The following GSTA4 variants were observed in gnomAD, a reference collection of about 807,000 sequenced individuals.
GSTA4 encodes glutathione S-transferase alpha 4.
Under a neutral mutation model 24.4 loss-of-function variants are expected in GSTA4, and 15 were observed. The observed-to-expected ratio is 0.61, with a 90% CI of 0.41 to 0.95. GSTA4 has a LOEUF of 0.95. GSTA4 is among the 40% of genes least tolerant of loss of function. The probability of loss-of-function intolerance (pLI) is 0.00; values close to 1 mark genes in which losing one functional copy is unlikely to be tolerated. For synonymous variants in GSTA4, 92 were observed against 94.2 expected (o/e 0.98, Z 0.13); for missense variants, 244 against 262.1 (o/e 0.93, Z 0.48).
intron 4 of GSTA4, 78 bp from the exon 5 acceptor site, chr6:52,984,683 C>CAT: frequency 2.5e-6 from 2 of 789,070 alleles, no homozygotes; most frequent in Non-Finnish European, 3.9e-6. Flanking sequence ...ATTCAGAGTG[C>CAT]TTTTTTTTTT....
intron 1 of GSTA4, among the ~76,000 whole-genome samples, chr6:52,994,666 AAGCTCTTCAAGT>A (rs1487495533): frequency 6.6e-6 from 1 of 152,164 alleles, no homozygotes; most frequent in Non-Finnish European, 1.5e-5. Flanking sequence ...CAGCCACTGG[AAGCTCTTCAAGT>A]ATTCATGCTT....
intron 6 of GSTA4, 137 bp downstream of exon 6, chr6:52,982,437 T>C (rs1453832185): frequency 3.5e-6 from 2 of 577,938 alleles, no homozygotes; most frequent in Admixed American, 7.5e-5. Flanking sequence ...CTTACTTTCA[T>C]TTCATTTGCC....
chr6:52,993,776 C>T (rs1185270573), intron 2 of GSTA4, among the ~76,000 whole-genome samples: 1 of 152,156 alleles, frequency 6.6e-6, no homozygotes, highest in Non-Finnish European at 1.5e-5. Flanking sequence ...GACACACACA[C>T]ATATGTAAGC....
intron 4 of GSTA4, 94 bp from the exon 5 acceptor site, chr6:52,984,699 T>C: frequency 1.0e-6 from 1 of 995,036 alleles, no homozygotes; most frequent in Non-Finnish European, 1.5e-6. Context: ...TTTTTTTTTT[T>C]AAAGATGCTG....
chr6:52,984,475 C>A lies in GSTA4; in HGVS notation c.403G>T (p.Val135Leu). The change falls in exon 5 of 7, where the codon GTG becomes TTG. Residue 135 changes from valine to leucine, a missense_variant. By Grantham distance (32) the Val-to-Leu change is conservative (BLOSUM62 1). Coordinates refer to ENST00000370963, the MANE Select transcript of GSTA4 (RefSeq NM_001512.4). Reference protein sequence around the residue: ...AQKAIIRYFPVFEKILRGHGQ... With the variant: ...AQKAIIRYFPLFEKILRGHGQ... The stretch of plus-strand genomic sequence containing the variant: ...TCTCTGCCACCTACCTTTTCAAACA[C>A]AGGAAAGTATCTAATTATAGCCTTC... 1 of 1,612,146 alleles carries A rather than the reference C, an allele frequency of 6.2e-7. No individual in the cohort carries two copies. Among genetic ancestry groups the A allele is most frequent in the Non-Finnish European group, 8.5e-7 (1 of 1,179,542 alleles).
At chr6:52,992,073 T>C (rs976936099) in intron 2 of GSTA4, among the ~76,000 whole-genome samples, 1 of 151,992 alleles carries the variant, frequency 6.6e-6, no homozygotes, top group African/African-American at 2.4e-5. Flanking sequence ...CATTTTTCTA[T>C]TGAAGAAATT....
chr6:52,988,323 T>C (rs995657703), intron 2 of GSTA4, among the ~76,000 whole-genome samples: 3 of 151,864 alleles, frequency 2.0e-5, no homozygotes, highest in African/African-American at 7.3e-5. Context: ...AGCTCTTTTT[T>C]ACAGAAGACT....
intron 3 of GSTA4, 140 bp downstream of exon 3, chr6:52,987,217 T>C: frequency 1.6e-6 from 1 of 637,026 alleles, no homozygotes; most frequent in South Asian, 2.0e-5. Flanking sequence ...ATTTCAACTA[T>C]TTATTCCCTC....
rs771245216 is a variant in GSTA4 at position 52,978,330 on chromosome 6, C to G, written c.*140G>C. Reference sequence around the variant, plus strand: ...GGTTGATATTTCTAGAAGAGATGATCTCGTTGACACAAAAGACCCAACTTA... The same window carrying G: ...GGTTGATATTTCTAGAAGAGATGATGTCGTTGACACAAAAGACCCAACTTA... On this transcript the variant is annotated 3_prime_UTR_variant, in exon 7 of 7. Transcript: ENST00000370963. 1.3e-4 allele frequency: 104 copies of G among 772,024 alleles called. No individual in the cohort carries two copies. Among genetic ancestry groups the G allele is most frequent in the Non-Finnish European group, 2.1e-4 (101 of 470,468 alleles). The allele number at this position is 772,024 out of a possible 1,614,324, so 47.8% of individuals were successfully genotyped here. A position where few individuals can be genotyped will look rare whatever the true frequency, so the allele number is the denominator to read the frequency against.
chr6:52,994,605 T>G (rs1317481062), intron 1 of GSTA4, among the ~76,000 whole-genome samples: 1 of 152,102 alleles, frequency 6.6e-6, no homozygotes, highest in South Asian at 2.1e-4. Flanking sequence ...CAAATTCAGC[T>G]GGGGGATAGG....
intron 6 of GSTA4, 84 bp downstream of exon 6, chr6:52,982,490 A>ACT (rs1581908669): frequency 2.1e-6 from 2 of 948,374 alleles, no homozygotes; most frequent in East Asian, 5.0e-5. Flanking sequence ...ACACACACAC[A>ACT]CTCCCCAAAG....
At chr6:52,991,006 A>C (rs1763649391) in intron 2 of GSTA4, among the ~76,000 whole-genome samples, 1 of 152,252 alleles carries the variant, frequency 6.6e-6, no homozygotes, top group South Asian at 2.1e-4. Context: ...ACTCATTTAG[A>C]AAATTGTAAA....
chr6:52,984,547 A>T lies in GSTA4; in HGVS notation c.331T>A (p.Phe111Ile). The T allele has an allele frequency of 8.1e-6, 13 of 1,613,472 alleles. No homozygotes were observed. The highest frequency in any genetic ancestry group is 1.1e-5 in the Non-Finnish European group (13 of 1,179,374). Reference protein sequence around the residue: ...DLLELLIMHPFLKPDDQQKEV... With the variant: ...DLLELLIMHPILKPDDQQKEV... ...TTTTGCTGATCATCTGGTTTTAAGA[A>T]AGGATGCATGATAAGCAGTTCCAGC... Residue 111 changes from phenylalanine to isoleucine, a missense_variant, in exon 5 of 7, where the codon TTC becomes ATC. By Grantham distance (21) the Phe-to-Ile change is conservative. Transcript: ENST00000370963.
chr6:52,983,052 A>C (rs1298184781), intron 5 of GSTA4, among the ~76,000 whole-genome samples: 1 of 152,060 alleles, frequency 6.6e-6, no homozygotes, highest in Non-Finnish European at 1.5e-5. Context: ...GGATATATCT[A>C]CTCCAAAAAT....
intron 3 of GSTA4, among the ~76,000 whole-genome samples, chr6:52,986,960 T>C (rs941329825): frequency 1.3e-5 from 2 of 152,054 alleles, no homozygotes; most frequent in East Asian, 1.9e-4. Context: ...AAGTACCCCA[T>C]GTAAATGGGG....
In GSTA4 at chr6:52,987,463, T is replaced by C. The variant is rs955615967; in HGVS notation, c.88-55A>G. ...ACATAGTGGAATATTATTCAGCCAT[T>C]AAGAAAACAAAATCCTGTCATTTTC... On this transcript the variant is annotated intron_variant, in intron 2 of 6. Coordinates refer to ENST00000370963, the MANE Select transcript of GSTA4 (RefSeq NM_001512.4). 1.2e-5 allele frequency: 11 copies of C among 943,634 alleles called. No homozygotes were observed. In the African/African-American group the frequency reaches 1.7e-4, roughly 14 times the overall value. The allele number at this position is 943,634 out of a possible 1,614,324, so 58.5% of individuals were successfully genotyped here. A position where few individuals can be genotyped will look rare whatever the true frequency, so the allele number is the denominator to read the frequency against.
At position 52,984,454 on chromosome 6, in the gene GSTA4, T is replaced by G. The variant is rs1009211368; in HGVS notation, c.414+10A>C. The G allele has an allele frequency of 3.1e-6, 5 of 1,610,106 alleles. No individual in the cohort carries two copies. The highest frequency in any genetic ancestry group is 4.2e-6 in the Non-Finnish European group (5 of 1,178,602). ...GTTGCTCTGTGTATGTAGGCATCTC[T>G]GCCACCTACCTTTTCAAACACAGGA... On this transcript the variant is annotated intron_variant, in intron 5 of 6. Transcript: ENST00000370963.
intron 5 of GSTA4, 62 bp from the exon 6 acceptor site, chr6:52,982,767 G>C: frequency 8.0e-7 from 1 of 1,252,068 alleles, no homozygotes; most frequent in South Asian, 1.2e-5. Context: ...TGAGGCTATT[G>C]AATCAGTGCA....
At chr6:52,982,045 G>GAGTC (rs1265687526) in intron 6 of GSTA4, among the ~76,000 whole-genome samples, 5 of 152,176 alleles carry the variant, frequency 3.3e-5, no homozygotes, top group Admixed American at 1.3e-4. Context: ...CTGAGAAAGG[G>GAGTC]AGTCATAGCC....
Sources: allele counts gnomAD v4.1 joint callset (sites outside exome capture counted in the v4.1 genomes callset), GRCh38; gene constraint gnomAD v4.1.1; transcripts MANE v1.5; gene names NCBI Gene and HGNC (gene_info 2026-07-23, HGNC 2026-07-21).